Variants in SPATA2 observed in about 807,000 individuals in gnomAD.
The protein encoded by SPATA2 is spermatogenesis associated 2.
In SPATA2, 8 loss-of-function variants were observed where a neutral mutation model predicts 35.4. The ratio of observed to expected loss-of-function variants is 0.23; its 90% CI spans 0.13 to 0.41. The LOEUF is 0.41. Ranked by LOEUF, SPATA2 falls within the 10% of genes least tolerant of loss-of-function variation. SPATA2 has a pLI of 1.00. For missense variants in SPATA2, 650 were observed against 698.7 expected, an observed-to-expected ratio of 0.93 and a Z score of 0.79; for synonymous variants, 293 against 300.9, an observed-to-expected ratio of 0.97 and a Z score of 0.27.
chr20:49,914,788 CG>C (rs896133605), intron 1 of SPATA2, among the ~76,000 whole-genome samples: 5 of 152,208 alleles, frequency 3.3e-5, no homozygotes, highest in Non-Finnish European at 5.9e-5. Context: ...CCTACAGCCT[CG>C]GGGGGCCACG....
chr20:49,906,962 G>T lies in SPATA2; in HGVS notation c.337-117C>A. ...AGTGGGGCGGCGGGGAGAGGGCAGGGCAGGGAAGGATCTCGACAGCCTCAC... is the reference window on the plus strand; with the variant it reads ...AGTGGGGCGGCGGGGAGAGGGCAGGTCAGGGAAGGATCTCGACAGCCTCAC... On this transcript the variant is annotated intron_variant, in intron 2 of 2. Coordinates refer to ENST00000289431, the MANE Select transcript of SPATA2 (RefSeq NM_006038.4). This position sits in a 1 kb window ranked among gnomAD's most constrained non-coding sequence, Gnocchi z 8.2. The T allele has an allele frequency of 8.5e-7, 1 of 1,172,526 alleles. No individual in the cohort carries two copies. Among genetic ancestry groups the T allele is most frequent in the Non-Finnish European group, 1.2e-6 (1 of 841,284 alleles). 72.6% of individuals were successfully genotyped at this position (1,172,526 alleles called of 1,614,324 possible). A position where few individuals can be genotyped will look rare whatever the true frequency, so the allele number is the denominator to read the frequency against.
chr20:49,905,626 T>A lies in SPATA2; in HGVS notation c.1556A>T (p.Tyr519Phe). The A allele has an allele frequency of 6.2e-7, 1 of 1,614,212 alleles. No individual in the cohort carries two copies. ...GGAAGGGGCGAGGCCGGTCTATCTG[T>A]ACACGAGATGGGAGAGCTGGGTGGA... is the stretch of plus-strand genomic sequence containing the variant. ...YKSTQLSHLVYR is the reference protein window; with the variant it reads ...YKSTQLSHLVFR Residue 519 changes from tyrosine to phenylalanine, a missense_variant, in exon 3 of 3, where the codon TAC becomes TTC. Tyr to Phe is a conservative substitution (Grantham distance 22). Coordinates refer to ENST00000289431, the MANE Select transcript of SPATA2 (RefSeq NM_006038.4).
rs1157939141 is a variant in SPATA2, at chr20:49,903,900, TAGA to T, written c.*1716_*1718del. ...GTACATCTACATGTGATCTACCAGA[TAGA>T]TATATATATATATATATATATATAT... On this transcript the variant is annotated 3_prime_UTR_variant, in exon 3 of 3. Transcript: ENST00000289431. 4.4e-4 allele frequency: 29 copies of T among 65,660 alleles called. No homozygotes were observed. Among genetic ancestry groups the T allele is most frequent in the Admixed American group, 5.5e-4 (3 of 5,454 alleles). The allele number at this position is 65,660 out of a possible 1,614,324, so 4.1% of individuals were successfully genotyped here.
Position 49,905,444 on chromosome 20 carries a change from GAT to G in SPATA2, c.*173_*174del. 4.7e-6 allele frequency: 3 copies of G among 637,396 alleles called. No homozygotes were observed. The highest frequency in any genetic ancestry group is 8.2e-6 in the Non-Finnish European group (3 of 367,386). The allele number at this position is 637,396 out of a possible 1,614,324, so 39.5% of individuals were successfully genotyped here. On this transcript the variant is annotated 3_prime_UTR_variant, in exon 3 of 3. Coordinates refer to ENST00000289431, the MANE Select transcript of SPATA2 (RefSeq NM_006038.4). ...AGACAACAAAGCAGCCATTGGTTGA[GAT>G]ATCTGAGTCGCTAAGTGAACTCCCA...
chr20:49,908,279 TCCACCA>T lies in SPATA2; in HGVS notation c.206_211del (p.Val69_Val70del). ...GGAGCTGAGCGAGCGCAAGGAGCTC[TCCACCA>T]CCTCATAGAACTGGATCAGCCGGAA... On this transcript the variant is annotated inframe_deletion, in exon 2 of 3. Coordinates refer to ENST00000289431, the MANE Select transcript of SPATA2 (RefSeq NM_006038.4). 1 of 1,614,166 alleles carries T rather than the reference TCCACCA, an allele frequency of 6.2e-7. No individual in the cohort carries two copies. The highest frequency in any genetic ancestry group is 8.5e-7 in the Non-Finnish European group (1 of 1,179,996).
In SPATA2 at chr20:49,908,498, AG is replaced by A; in HGVS notation, c.-9del. 1 of 1,576,978 alleles carries A rather than the reference AG, an allele frequency of 6.3e-7. No homozygotes were observed. Among genetic ancestry groups the A allele is most frequent in the Non-Finnish European group, 8.7e-7 (1 of 1,155,674 alleles). ...TGAACTGGGCTTCCCCATCCGATCG[AG>A]GGGGGCTACCTTATCTCCTCCATGG... On this transcript the variant is annotated 5_prime_UTR_variant, in exon 2 of 3. Transcript: ENST00000289431.
At chr20:49,907,943 G>A (rs1309665039) in intron 2 of SPATA2, among the ~76,000 whole-genome samples, 1 of 152,204 alleles carries the variant, frequency 6.6e-6, no homozygotes, top group Non-Finnish European at 1.5e-5. Context: ...TAACCTGGCT[G>A]CCCCTGCCTT....
rs779719130 is a variant in SPATA2, at chr20:49,905,569, C to A, written c.*50G>T. 2 of 1,592,494 alleles carry A rather than the reference C, an allele frequency of 1.3e-6. No individual in the cohort carries two copies. Among genetic ancestry groups the A allele is most frequent in the Non-Finnish European group, 1.7e-6 (2 of 1,166,850 alleles). On this transcript the variant is annotated 3_prime_UTR_variant, in exon 3 of 3. Transcript: ENST00000289431. ...CGTTAGTACTTCTTCACCGTGAAAC[C>A]CGAAAGGTCGGTTGATGTAGCCCTT...
chr20:49,905,994 C>T lies in SPATA2; in HGVS notation c.1188G>A (p.Gln396=). The part of the protein sequence containing the change: ...CGLSCSSSLC[Q]RCDSLLTCPP... ...GACAGGTGAGCAGGCTGTCACAGCG[C>T]TGGCAGAGGGAGGAGCTGCAGGACA... Residue 396 remains glutamine, a synonymous_variant, in exon 3 of 3, where the codon CAG becomes CAA. Coordinates refer to ENST00000289431, the MANE Select transcript of SPATA2 (RefSeq NM_006038.4). 6.2e-7 allele frequency: 1 copy of T among 1,607,244 alleles called. No homozygotes were observed. Among genetic ancestry groups the T allele is most frequent in the Non-Finnish European group, 8.5e-7 (1 of 1,179,724 alleles).
intron 2 of SPATA2, 146 bp downstream of exon 2, chr20:49,908,009 G>A: frequency 1.2e-6 from 1 of 816,466 alleles, no homozygotes; most frequent in African/African-American, 1.7e-5. Context: ...CAGAGGTGAT[G>A]CTGGAGAGAC....
Position 49,906,502 on chromosome 20 carries a change from C to A in SPATA2, c.680G>T (p.Arg227Leu). ...GREHLTASMSRVALQKSASER... is the reference protein window; with the variant it reads ...GREHLTASMSLVALQKSASER... The stretch of plus-strand genomic sequence containing the variant: ...GCTGGCCGACTTCTGGAGTGCCACT[C>A]GTGACATGGAGGCCGTCAGGTGCTC... Residue 227 changes from arginine to leucine, a missense_variant, in exon 3 of 3, where the codon CGA becomes CTA. Arg to Leu is a moderately radical substitution (Grantham distance 102, BLOSUM62 -2). Coordinates refer to ENST00000289431, the MANE Select transcript of SPATA2 (RefSeq NM_006038.4). The surrounding 1 kb of genome is among the most constrained non-coding windows in gnomAD (Gnocchi z 8.2). 6.2e-7 allele frequency: 1 copy of A among 1,611,836 alleles called. No individual in the cohort carries two copies. The highest frequency in any genetic ancestry group is 8.5e-7 in the Non-Finnish European group (1 of 1,179,862).
rs1195528869 is a variant in SPATA2 at position 49,903,896 on chromosome 20, C to CAGAT, written c.*1719_*1722dup. The CAGAT allele has an allele frequency of 5.2e-3, 433 of 83,174 alleles. 2 individuals are homozygous for CAGAT. Among genetic ancestry groups the CAGAT allele is most frequent in the Non-Finnish European group, 6.7e-3 (310 of 46,022 alleles). 5.2% of individuals were successfully genotyped at this position (83,174 alleles called of 1,614,324 possible). On this transcript the variant is annotated 3_prime_UTR_variant, in exon 3 of 3. Transcript: ENST00000289431. ...CACTGTACATCTACATGTGATCTAC[C>CAGAT]AGATAGATATATATATATATATATA... is the stretch of plus-strand genomic sequence containing the variant.
rs777508744 is a variant in SPATA2, at chr20:49,906,185, C to T, written c.997G>A (p.Asp333Asn). 1.3e-6 allele frequency: 2 copies of T among 1,585,946 alleles called. No individual in the cohort carries two copies. The highest frequency in any genetic ancestry group is 2.2e-5 in the East Asian group (1 of 44,500). The change falls in exon 3 of 3, where the codon GAT (aspartate) becomes AAT (asparagine). Residue 333 changes from aspartate (D) to asparagine (N), a missense_variant. By Grantham distance (23) the Asp-to-Asn change is conservative (BLOSUM62 1). Transcript: ENST00000289431. This position sits in a 1 kb window ranked among gnomAD's most constrained non-coding sequence, Gnocchi z 8.2. The part of the protein sequence containing the change: ...LLRGTYFSTQ[D>N]DVDLYTDSEP... ...GAGTCTGTGTACAGATCCACGTCAT[C>T]CTGAGTGGAGAAGTAGGTACCGCGC...
At chr20:49,914,798 C>G (rs2090200344) in intron 1 of SPATA2, among the ~76,000 whole-genome samples, 1 of 152,174 alleles carries the variant, frequency 6.6e-6, no homozygotes, top group Non-Finnish European at 1.5e-5. Context: ...CGGGGGGCCA[C>G]GTCAGTTGTG....
chr20:49,904,770 C>T lies in SPATA2; in HGVS notation c.*849G>A, dbSNP rs1180120219. ...GGCCCTCCCTTGGAAGACTAAAGAA[C>T]CCAGGGCATTTAATAAATAGCTACA... On this transcript the variant is annotated 3_prime_UTR_variant, in exon 3 of 3. Coordinates refer to ENST00000289431, the MANE Select transcript of SPATA2 (RefSeq NM_006038.4). The T allele has an allele frequency of 6.6e-6, 1 of 152,666 alleles. No homozygotes were observed. The highest frequency in any genetic ancestry group is 1.5e-5 in the Non-Finnish European group (1 of 68,054). The allele number at this position is 152,666 out of a possible 1,614,324, so 9.5% of individuals were successfully genotyped here.
In SPATA2 at chr20:49,903,899, A is replaced by ATG. The variant is rs1568904328; in HGVS notation, c.*1719_*1720insCA. The ATG allele has an allele frequency of 1.5e-5, 1 of 65,646 alleles. No homozygotes were observed. The allele number at this position is 65,646 out of a possible 1,614,324, so 4.1% of individuals were successfully genotyped here. A position where few individuals can be genotyped will look rare whatever the true frequency, so the allele number is the denominator to read the frequency against. ...TGTACATCTACATGTGATCTACCAG[A>ATG]TAGATATATATATATATATATATAT... is the stretch of plus-strand genomic sequence containing the variant. On this transcript the variant is annotated 3_prime_UTR_variant, in exon 3 of 3. Transcript: ENST00000289431.
Position 49,906,981 on chromosome 20 carries a change from G to A in SPATA2, c.337-136C>T. 1 of 935,196 alleles carries A rather than the reference G, an allele frequency of 1.1e-6. No individual in the cohort carries two copies. The highest frequency in any genetic ancestry group is 1.6e-6 in the Non-Finnish European group (1 of 632,398). The allele number at this position is 935,196 out of a possible 1,614,324, so 57.9% of individuals were successfully genotyped here. On this transcript the variant is annotated intron_variant, in intron 2 of 2. Transcript: ENST00000289431. The surrounding 1 kb of genome is among the most constrained non-coding windows in gnomAD (Gnocchi z 8.2). ...GGCAGGGCAGGGAAGGATCTCGACA[G>A]CCTCACCCTGCGGGAGGCAGAAGAC...
chr20:49,911,638 G>A (rs2090182594), intron 1 of SPATA2, among the ~76,000 whole-genome samples: 1 of 151,072 alleles, frequency 6.6e-6, no homozygotes, highest in Non-Finnish European at 1.5e-5. Flanking sequence ...TTGCACTCCA[G>A]CCTGGGCAAC....
chr20:49,908,097 C>A, intron 2 of SPATA2, 58 bp downstream of exon 2: 2 of 1,499,080 alleles, frequency 1.3e-6, no homozygotes, highest in Non-Finnish European at 1.8e-6. Flanking sequence ...TCAGGAGGGA[C>A]TGCCAGGGGC....
Sources: allele counts gnomAD v4.1 joint callset (sites outside exome capture counted in the v4.1 genomes callset), GRCh38; gene constraint gnomAD v4.1.1; non-coding constraint Gnocchi (gnomAD v3.1); transcripts MANE v1.5; gene names NCBI Gene and HGNC (gene_info 2026-07-23, HGNC 2026-07-21).